The following PCDHGB6 variants were observed in gnomAD, a reference collection of about 807,000 sequenced individuals.
PCDHGB6 encodes protocadherin gamma-B6.
A neutral mutation model predicts 59.1 loss-of-function variants in PCDHGB6; 51 were observed. The ratio of observed to expected loss-of-function variants is 0.86; its 90% confidence interval spans 0.69 to 1.09. The LOEUF (loss-of-function observed/expected upper bound fraction) is 1.09. PCDHGB6 is among the 50% of genes least tolerant of loss of function. The pLI, the probability that PCDHGB6 is intolerant of heterozygous loss-of-function variation, is 0.00. For missense variants in PCDHGB6, 1,148 were observed against 1,205.1 expected, an observed-to-expected ratio of 0.95 and a Z score of 0.70; for synonymous variants, 466 against 495.1, an observed-to-expected ratio of 0.94 and a Z score of 0.78.
At chr5:141,467,393 T>C (rs1409255781) in intron 1 of PCDHGB6, among the ~76,000 whole-genome samples, 3 of 152,124 alleles carry the variant, frequency 2.0e-5, no homozygotes, top group African/African-American at 7.2e-5. Flanking sequence ...TTTTAAGTCA[T>C]AGTTAGAAAG....
rs1271219465 is a variant in PCDHGB6 at position 141,408,119 on chromosome 5, C to T, written c.-84C>T. On this transcript the variant is annotated 5_prime_UTR_variant, in exon 1 of 4. Transcript: ENST00000520790. Reference sequence around the variant, plus strand: ...CTCCGAGACCCGGGACTCCTCCTGTCCTGGGCCGAATGCTCTTTTAGCGCG... The same window carrying T: ...CTCCGAGACCCGGGACTCCTCCTGTTCTGGGCCGAATGCTCTTTTAGCGCG... The T allele has an allele frequency of 6.8e-7, 1 of 1,474,944 alleles. No homozygotes were observed. Among genetic ancestry groups the T allele is most frequent in the African/African-American group, 1.4e-5 (1 of 70,884 alleles). 91.4% of individuals were successfully genotyped at this position (1,474,944 alleles called of 1,614,324 possible).
chr5:141,416,699 T>C (rs1232694721), intron 1 of PCDHGB6: 1 of 152,092 alleles, frequency 6.6e-6, no homozygotes, highest in Non-Finnish European at 1.5e-5. Context: ...AAACAAAGGA[T>C]CATTGGAGGT....
rs766387243 is a variant in PCDHGB6 at position 141,489,017 on chromosome 5, TCTC to T, written c.2419-5782_2419-5780del. The stretch of plus-strand genomic sequence containing the variant: ...GGGAGATCTGCTCTTCCAGCCCGCC[TCTC>T]CTCCTCCAGCTCCCCAGCTCCACTC... On this transcript the variant is annotated intron_variant, in intron 1 of 3. Transcript: ENST00000520790. This position sits in a 1 kb window ranked among gnomAD's most constrained non-coding sequence, Gnocchi z 4.5. 2 of 435,354 alleles carry T rather than the reference TCTC, an allele frequency of 4.6e-6. No individual in the cohort carries two copies. Among genetic ancestry groups the T allele is most frequent in the Non-Finnish European group, 8.1e-6 (2 of 247,876 alleles). The allele number at this position is 435,354 out of a possible 1,614,324, so 27.0% of individuals were successfully genotyped here. A position where few individuals can be genotyped will look rare whatever the true frequency, so the allele number is the denominator to read the frequency against.
chr5:141,443,478 C>T (rs2098390426), intron 1 of PCDHGB6, among the ~76,000 whole-genome samples: 1 of 152,052 alleles, frequency 6.6e-6, no homozygotes, highest in East Asian at 1.9e-4. Context: ...AGAATTAGAC[C>T]CTGTCCCAAA....
chr5:141,507,251 A>G (rs958917337), intron 3 of PCDHGB6: 3 of 152,400 alleles, frequency 2.0e-5, no homozygotes, highest in Non-Finnish European at 4.4e-5. Context: ...TGAATGTCAG[A>G]TAAACAGCAA....
At position 141,410,087 on chromosome 5, in the gene PCDHGB6, G is replaced by A. The variant is rs1427716409; in HGVS notation, c.1885G>A (p.Ala629Thr). Residue 629 changes from alanine to threonine, a missense_variant, in exon 1 of 4, where the codon GCT (alanine) becomes ACT (threonine). By Grantham distance (58) the Ala-to-Thr change is moderately conservative. Transcript: ENST00000520790. The stretch of plus-strand genomic sequence containing the variant: ...GCTGCGCACTGGGGAGGTGCGCACG[G>A]CTCGAGCCTTAGGCGACAGGGACGC... Reference protein sequence around the residue: ...LGLRTGEVRTARALGDRDAAR... With the variant: ...LGLRTGEVRTTRALGDRDAAR... The A allele has an allele frequency of 6.2e-7, 1 of 1,612,482 alleles. No homozygotes were observed. The highest frequency in any genetic ancestry group is 1.3e-5 in the African/African-American group (1 of 75,050).
intron 1 of PCDHGB6, among the ~76,000 whole-genome samples, chr5:141,425,841 C>T (rs936781561): frequency 2.0e-5 from 3 of 152,190 alleles, no homozygotes; most frequent in African/African-American, 7.2e-5. Context: ...ATTCTCTTTG[C>T]TGGGTTAATG....
In PCDHGB6 at chr5:141,477,836, G is replaced by T. The variant is rs1344676631; in HGVS notation, c.2419-16971G>T. On this transcript the variant is annotated intron_variant, in intron 1 of 3. Transcript: ENST00000520790. This position sits in a 1 kb window ranked among gnomAD's most constrained non-coding sequence, Gnocchi z 4.9. ...CCAGGTCCTATATCCTCGGCCAGGT[G>T]GGAGCTCGGTGGAGATGCTGCCTCG... The T allele has an allele frequency of 1.2e-6, 2 of 1,613,952 alleles. No individual in the cohort carries two copies. Among genetic ancestry groups the T allele is most frequent in the Non-Finnish European group, 1.7e-6 (2 of 1,180,012 alleles).
intron 1 of PCDHGB6, among the ~76,000 whole-genome samples, chr5:141,467,758 C>CTCAA (rs933308513): frequency 6.6e-5 from 10 of 152,018 alleles, no homozygotes; most frequent in Admixed American, 5.9e-4. Flanking sequence ...GCCTCACATG[C>CTCAA]TCAAGTGCCC....
intron 1 of PCDHGB6, among the ~76,000 whole-genome samples, chr5:141,472,913 G>A (rs1049221725): frequency 2.0e-5 from 3 of 147,764 alleles, no homozygotes; most frequent in African/African-American, 2.5e-5. Context: ...TTGAACCCAA[G>A]AGGAGGAGGT....
Position 141,476,525 on chromosome 5 carries a change from A to T in PCDHGB6, c.2419-18282A>T, listed in dbSNP as rs766638463. On this transcript the variant is annotated intron_variant, in intron 1 of 3. Coordinates refer to ENST00000520790, the MANE Select transcript of PCDHGB6 (RefSeq NM_018926.3). This position sits in a 1 kb window ranked among gnomAD's most constrained non-coding sequence, Gnocchi z 7.6. ...CAACGACAACAATCCTGCTTTCCCTACCCAGGAAATGAAATTGGAGATTAG... is the reference window on the plus strand; with the variant it reads ...CAACGACAACAATCCTGCTTTCCCTTCCCAGGAAATGAAATTGGAGATTAG... The T allele has an allele frequency of 6.2e-7, 1 of 1,614,068 alleles. No homozygotes were observed. The highest frequency in any genetic ancestry group is 2.2e-5 in the East Asian group (1 of 44,854).
At position 141,408,137 on chromosome 5, in the gene PCDHGB6, T is replaced by C; in HGVS notation, c.-66T>C. ...CTCCTGTCCTGGGCCGAATGCTCTT[T>C]TAGCGCGGTAGAGTGCACTTTCTCC... On this transcript the variant is annotated 5_prime_UTR_variant, in exon 1 of 4. Coordinates refer to ENST00000520790, the MANE Select transcript of PCDHGB6 (RefSeq NM_018926.3). 4.0e-6 allele frequency: 6 copies of C among 1,488,870 alleles called. No individual in the cohort carries two copies. The South Asian group carries it at 8.2e-5, about 20-fold the overall frequency. 92.2% of individuals were successfully genotyped at this position (1,488,870 alleles called of 1,614,324 possible).
intron 2 of PCDHGB6, among the ~76,000 whole-genome samples, chr5:141,503,239 C>G (rs1364808315): frequency 6.6e-6 from 1 of 152,088 alleles, no homozygotes; most frequent in Non-Finnish European, 1.5e-5. Flanking sequence ...TGGACAGTTT[C>G]TATCATACTC....
Position 141,431,241 on chromosome 5 carries a change from A to T in PCDHGB6, c.2418+20621A>T. On this transcript the variant is annotated intron_variant, in intron 1 of 3. Coordinates refer to ENST00000520790, the MANE Select transcript of PCDHGB6 (RefSeq NM_018926.3). This position sits in a 1 kb window ranked among gnomAD's most constrained non-coding sequence, Gnocchi z 4.8. ...CCTCTACCCCACGCCTGGGATCCGG[A>T]TATCGGGAAGAACTCTCTGCAGAGC... The T allele has an allele frequency of 6.2e-7, 1 of 1,614,138 alleles. No individual in the cohort carries two copies. The highest frequency in any genetic ancestry group is 8.5e-7 in the Non-Finnish European group (1 of 1,180,046).
rs144018757 is a variant in PCDHGB6, at chr5:141,443,001, A to G, written c.2418+32381A>G. On this transcript the variant is annotated intron_variant, in intron 1 of 3. Transcript: ENST00000520790. ...GTTAGCCTATAATTTCAGTAAATCTAAGAATATGACTAATGGAAGTTGCCA... is the reference window on the plus strand; with the variant it reads ...GTTAGCCTATAATTTCAGTAAATCTGAGAATATGACTAATGGAAGTTGCCA... Among the ~76,000 whole-genome samples the G allele has an allele frequency of 1.3e-3, 194 of 152,312 alleles. 1 individual carries two copies. The East Asian group carries it at 0.032, about 25-fold the overall frequency.
At chr5:141,430,915 G>A (rs565034370) in intron 1 of PCDHGB6, 2 of 1,607,738 alleles carry the variant, frequency 1.2e-6, no homozygotes, top group East Asian at 4.5e-5. Context: ...CCAGGGACCT[G>A]GGGCTGGAGC....
At chr5:141,465,779 G>GTT (rs879859429) in intron 1 of PCDHGB6, among the ~76,000 whole-genome samples, 3 of 145,118 alleles carry the variant, frequency 2.1e-5, no homozygotes, top group Non-Finnish European at 3.0e-5. Context: ...TCTTGTTACA[G>GTT]TTTTTTTTTT....
intron 1 of PCDHGB6, among the ~76,000 whole-genome samples, chr5:141,444,942 A>C (rs1272061494): frequency 6.6e-6 from 1 of 152,082 alleles, no homozygotes; most frequent in Non-Finnish European, 1.5e-5. Flanking sequence ...AGGAGGGAGG[A>C]GGATCATCTT....
intron 1 of PCDHGB6, among the ~76,000 whole-genome samples, chr5:141,484,122 T>C (rs1343894991): frequency 6.6e-6 from 1 of 152,180 alleles, no homozygotes; most frequent in African/African-American, 2.4e-5. Context: ...CAAGAATACC[T>C]TGGTGTCAGA....
Sources: allele counts gnomAD v4.1 joint callset (sites outside exome capture counted in the v4.1 genomes callset), GRCh38; gene constraint gnomAD v4.1.1; non-coding constraint Gnocchi (gnomAD v3.1); transcripts MANE v1.5; gene names NCBI Gene and HGNC (gene_info 2026-07-23, HGNC 2026-07-21).